ILDR2: variants seen among roughly 807,000 people sequenced by gnomAD.
ILDR2 encodes the protein immunoglobulin like domain containing receptor 2.
ILDR2 carries 25 observed loss-of-function variants against 66.8 expected under a neutral mutation model. The observed-to-expected ratio is 0.37, with a 90% CI of 0.27 to 0.52. The LOEUF is 0.52. ILDR2 is among the 20% of genes least tolerant of loss of function. The pLI is 0.88. For missense variants in ILDR2, 827 were observed against 876.8 expected (o/e 0.94, Z 0.72); for synonymous variants, 367 against 357.2 (o/e 1.03, Z -0.31).
At chr1:166,926,935 T>G in intron 7 of ILDR2, 132 bp downstream of exon 7, 1 of 567,744 alleles carries the variant, frequency 1.8e-6, no homozygotes. Context: ...CTTTCTTCAG[T>G]AGTGTCACCA....
Position 166,915,660 on chromosome 1 carries a change from G to A in ILDR2, c.*3695C>T, listed in dbSNP as rs1186750279. On this transcript the variant is annotated 3_prime_UTR_variant, in exon 10 of 10. Transcript: ENST00000271417. The stretch of plus-strand genomic sequence containing the variant: ...CCTATTAAAAAAAATTGGGTGAGGG[G>A]CGGTGGTAAATTACAACAGTATCTG... 1 of 152,304 alleles carries A rather than the reference G, an allele frequency of 6.6e-6. No individual in the cohort carries two copies. Among genetic ancestry groups the A allele is most frequent in the South Asian group, 2.1e-4 (1 of 4,810 alleles). 9.4% of individuals were successfully genotyped at this position (152,304 alleles called of 1,614,324 possible). A position where few individuals can be genotyped will look rare whatever the true frequency, so the allele number is the denominator to read the frequency against.
chr1:166,973,619 C>T (rs1054730963), intron 1 of ILDR2, among the ~76,000 whole-genome samples: 10 of 126,912 alleles, frequency 7.9e-5, no homozygotes, highest in Admixed American at 3.7e-4. Flanking sequence ...CCCTCCCCCC[C>T]CCCCCCGATG....
chr1:166,964,657 TCCCCCATCTCAG>T (rs1235854110), intron 1 of ILDR2, among the ~76,000 whole-genome samples: 2 of 152,076 alleles, frequency 1.3e-5, no homozygotes, highest in Non-Finnish European at 2.9e-5. Flanking sequence ...ACAGCTCTTC[TCCCCCATCTCAG>T]CCCCCATCTC....
At chr1:166,957,019 C>G (rs892066180) in intron 2 of ILDR2, among the ~76,000 whole-genome samples, 167 bp from the exon 3 acceptor site, 3 of 152,158 alleles carry the variant, frequency 2.0e-5, no homozygotes, top group African/African-American at 7.2e-5. Flanking sequence ...AACAAACAAA[C>G]AAGACCAACA....
rs1014274358 is a variant in ILDR2 at position 166,914,891 on chromosome 1, A to C, written c.*4464T>G. Reference sequence around the variant, plus strand: ...TAAATCTGATTTTGGAAGGATATAAAATGAGGACTTTTATTATTCTTGTCC... The same window carrying C: ...TAAATCTGATTTTGGAAGGATATAACATGAGGACTTTTATTATTCTTGTCC... On this transcript the variant is annotated 3_prime_UTR_variant, in exon 10 of 10. Coordinates refer to ENST00000271417, the MANE Select transcript of ILDR2 (RefSeq NM_199351.3). 2 of 152,210 alleles carry C rather than the reference A, an allele frequency of 1.3e-5. No individual in the cohort carries two copies. Among genetic ancestry groups the C allele is most frequent in the African/African-American group, 4.8e-5 (2 of 41,450 alleles). The allele number at this position is 152,210 out of a possible 1,614,324, so 9.4% of individuals were successfully genotyped here.
chr1:166,929,529 A>G lies in ILDR2; in HGVS notation c.881-2349T>C, dbSNP rs115276298. On this transcript the variant is annotated intron_variant, in intron 6 of 9. Coordinates refer to ENST00000271417, the MANE Select transcript of ILDR2 (RefSeq NM_199351.3). ...TTACACATAGTGGGGAACTTAAAAA[A>G]TGTTCGTTGCATTGCTGTCAGCCTG... Among the ~76,000 whole-genome samples the G allele has an allele frequency of 7.7e-3, 1,171 of 152,270 alleles. 11 individuals carry two copies. The highest frequency in any genetic ancestry group is 0.017 in the Admixed American group (266 of 15,304).
At chr1:166,961,628 T>C (rs1662625338) in intron 1 of ILDR2, among the ~76,000 whole-genome samples, 3 of 152,124 alleles carry the variant, frequency 2.0e-5, no homozygotes, top group Non-Finnish European at 4.4e-5. Flanking sequence ...TATGGAGTTG[T>C]TTGAGGGTTA....
chr1:166,970,939 G>A (rs773605194), intron 1 of ILDR2, among the ~76,000 whole-genome samples: 11 of 152,250 alleles, frequency 7.2e-5, no homozygotes, highest in South Asian at 2.1e-4. Context: ...AAGAGATAAC[G>A]GAAGTTGAGG....
intron 6 of ILDR2, among the ~76,000 whole-genome samples, chr1:166,934,551 A>G (rs535632045): frequency 6.6e-6 from 1 of 152,260 alleles, no homozygotes; most frequent in Admixed American, 6.5e-5. Context: ...CTCTGCCCTC[A>G]GGAGCCTGCC....
rs147307090 is a variant in ILDR2, at chr1:166,901,524, C to G, written n.172-5423G>C. Among the ~76,000 whole-genome samples the G allele has an allele frequency of 7.9e-3, 1,199 of 152,258 alleles. 14 individuals carry two copies. Among genetic ancestry groups the G allele is most frequent in the African/African-American group, 0.027 (1,124 of 41,548 alleles). ...CTTGCTGGTCCTCTCCTCTTCCCTC[C>G]CTCATCCTGAACCAAGGCTCCTTTT... On this transcript the variant is annotated intron_variant and non_coding_transcript_variant, in intron 2 of 2. Transcript: ENST00000414590.
chr1:166,965,570 G>GGT (rs1662892746), intron 1 of ILDR2, among the ~76,000 whole-genome samples: 6 of 127,404 alleles, frequency 4.7e-5, no homozygotes, highest in Non-Finnish European at 8.1e-5. Context: ...GTTAGGTTTT[G>GGT]TTTTTTTTTT....
In ILDR2 at chr1:166,936,144, A is replaced by T. The variant is rs567041196; in HGVS notation, c.703+447T>A. Reference sequence around the variant, plus strand: ...GTGGCCCATGTCATCATGGGAGTAAATAAAACAAATCTGTGGCTGGGTGGG... The same window carrying T: ...GTGGCCCATGTCATCATGGGAGTAATTAAAACAAATCTGTGGCTGGGTGGG... On this transcript the variant is annotated intron_variant, in intron 5 of 9. Coordinates refer to ENST00000271417, the MANE Select transcript of ILDR2 (RefSeq NM_199351.3). The surrounding 1 kb of genome is among the most constrained non-coding windows in gnomAD (Gnocchi z 5.0). Among the ~76,000 whole-genome samples the T allele has an allele frequency of 2.6e-5, 4 of 152,302 alleles. No homozygotes were observed. In the South Asian group the frequency reaches 6.2e-4, roughly 24 times the overall value.
At chr1:166,937,477 C>T (rs1661054157) in intron 4 of ILDR2, among the ~76,000 whole-genome samples, 1 of 152,262 alleles carries the variant, frequency 6.6e-6, no homozygotes. Flanking sequence ...TGCTAGGCAG[C>T]CAACATAGCC....
Position 166,919,305 on chromosome 1 carries a change from C to T in ILDR2, c.*50G>A, listed in dbSNP as rs376980852. 1.8e-5 allele frequency: 28 copies of T among 1,544,932 alleles called. No individual in the cohort carries two copies. The African/African-American group carries it at 3.7e-4, about 20-fold the overall frequency. On this transcript the variant is annotated 3_prime_UTR_variant, in exon 10 of 10. Transcript: ENST00000271417. ...GCTGGTTCTTAGATTTGTGTCTTGT[C>T]CCCGTAGTCCATGTCTGATTTCTCA...
At chr1:166,920,122 C>T (rs965639899) in intron 9 of ILDR2, among the ~76,000 whole-genome samples, 5 of 152,134 alleles carry the variant, frequency 3.3e-5, no homozygotes, top group Admixed American at 1.3e-4. Context: ...TGGATAGGGA[C>T]CAAAGGATTT....
intron 1 of ILDR2, among the ~76,000 whole-genome samples, chr1:166,974,432 T>C (rs1185952132): frequency 6.6e-6 from 1 of 152,180 alleles, no homozygotes; most frequent in Non-Finnish European, 1.5e-5. Flanking sequence ...CCCAGCAGAA[T>C]GGGGAGAAAG....
chr1:166,945,333 A>G (rs971258152), intron 3 of ILDR2, among the ~76,000 whole-genome samples: 3 of 152,278 alleles, frequency 2.0e-5, no homozygotes, highest in African/African-American at 7.2e-5. Flanking sequence ...ATGCACACAC[A>G]CAAGTGCCAG....
At chr1:166,904,330 GC>G (rs1659306583), downstream of ILDR2, among the ~76,000 whole-genome samples, 3 of 152,238 alleles carry the variant, frequency 2.0e-5, no homozygotes, top group Non-Finnish European at 2.9e-5. Flanking sequence ...CTCTGAACCT[GC>G]CCCCTGCCAG....
chr1:166,924,746 A>G (rs914272366), intron 7 of ILDR2, among the ~76,000 whole-genome samples: 1 of 152,236 alleles, frequency 6.6e-6, no homozygotes, highest in African/African-American at 2.4e-5. Flanking sequence ...TGGGCACGGT[A>G]GCTCATGCCC....
Sources: gnomAD v4.1 joint callset for allele counts (sites outside exome capture counted in the v4.1 genomes callset) on GRCh38, gnomAD v4.1.1 for gene constraint, Gnocchi (gnomAD v3.1) non-coding constraint, MANE v1.5 for transcripts, NCBI Gene and HGNC (gene_info 2026-07-23, HGNC 2026-07-21) for gene names.